Variants in GPHN observed in about 807,000 individuals in gnomAD.
The protein encoded by GPHN is gephyrin.
GPHN carries 17 observed loss-of-function variants against 95.5 expected under a neutral mutation model. The ratio of observed to expected loss-of-function variants is 0.18; its 90% CI spans 0.12 to 0.27. The LOEUF is 0.27. Ranked by LOEUF, GPHN falls within the 10% of genes least tolerant of loss-of-function variation. The pLI, the probability that GPHN is intolerant of heterozygous loss-of-function variation, is 1.00. For synonymous variants in GPHN, 320 were observed against 322.5 expected (o/e 0.99, Z 0.08); for missense variants, 660 against 978.1 (o/e 0.67, Z 4.34).
intron 21 of GPHN, among the ~76,000 whole-genome samples, chr14:67,171,021 A>G (rs997479287): frequency 6.6e-6 from 1 of 151,936 alleles, no homozygotes; most frequent in Non-Finnish European, 1.5e-5. Flanking sequence ...ATACTGTTGG[A>G]CTCTGATGTG....
intron 4 of GPHN, among the ~76,000 whole-genome samples, chr14:66,838,640 A>G (rs1329621621): frequency 2.0e-5 from 3 of 152,164 alleles, no homozygotes; most frequent in Non-Finnish European, 2.9e-5. Flanking sequence ...TTGCAGATAT[A>G]TTAGTAAAAT....
chr14:67,650,676 C>G, the GPHN span: 12 of 1,586,586 alleles, frequency 7.6e-6, no homozygotes, highest in Non-Finnish European at 1.0e-5. Flanking sequence ...AGAGTAGCAG[C>G]AAGGGAACCT....
intron 5 of GPHN, among the ~76,000 whole-genome samples, chr14:66,906,711 T>C (rs939898953): frequency 6.6e-6 from 1 of 152,198 alleles, no homozygotes; most frequent in Admixed American, 6.5e-5. Context: ...CTCTGGTTTC[T>C]TGAGATTTCC....
At chr14:67,308,611 T>A in the GPHN span, among the ~76,000 whole-genome samples, 15 of 149,874 alleles carry the variant, frequency 1.0e-4, no homozygotes, top group Admixed American at 4.7e-4. Flanking sequence ...AATGGTGCCA[T>A]CTTGGCTCAC....
At chr14:67,049,517 CT>C (rs746210824) in intron 10 of GPHN, among the ~76,000 whole-genome samples, 1,427 of 140,092 alleles carry the variant, frequency 0.01, 6 homozygotes, top group Non-Finnish European at 0.014. Context: ...TCTGTGACAA[CT>C]TTTTTTTTTT....
At position 66,523,643 on chromosome 14, in the gene GPHN, C is replaced by A. The variant is rs145690295; in HGVS notation, c.64+15052C>A. On this transcript the variant is annotated intron_variant, in intron 1 of 22. Transcript: ENST00000478722. ...CTAAGCTTTAGTTTTTTTCATCTGTCAAATGGAAAATAATACTAATATGCC... is the reference window on the plus strand; with the variant it reads ...CTAAGCTTTAGTTTTTTTCATCTGTAAAATGGAAAATAATACTAATATGCC... Among the ~76,000 whole-genome samples, 542 of 151,916 alleles carry A rather than the reference C, an allele frequency of 3.6e-3. 9 individuals are homozygous for A. The highest frequency in any genetic ancestry group is 0.012 in the African/African-American group (516 of 41,444).
At position 66,880,018 on chromosome 14, in the gene GPHN, T is replaced by A; in HGVS notation, c.374T>A (p.Leu125Gln). 2 of 1,602,496 alleles carry A rather than the reference T, an allele frequency of 1.2e-6. No individual in the cohort carries two copies. The highest frequency in any genetic ancestry group is 1.7e-6 in the Non-Finnish European group (2 of 1,169,810). ...MLMGSLNVTPLGMLSRPVCGI... is the reference protein window; with the variant it reads ...MLMGSLNVTPQGMLSRPVCGI... ...ATGGGATCACTTAATGTTACACCTC[T>A]GGGCATGCTCTCTAGGTAAGAAAGT... Residue 125 changes from leucine (L) to glutamine (Q), a missense_variant, in exon 5 of 23, where the codon CTG becomes CAG. By Grantham distance (113) the Leu-to-Gln change is moderately radical. Around this residue, in one of 6 missense-constraint regions of GPHN, gnomAD observed 71 missense variants for 130.8 expected, o/e 0.54. Transcript: ENST00000478722.
downstream of GPHN, among the ~76,000 whole-genome samples, chr14:67,184,423 G>A (rs2083358275): frequency 6.6e-6 from 1 of 152,122 alleles, no homozygotes; most frequent in South Asian, 2.1e-4. Flanking sequence ...TTAAGTTATA[G>A]CAATTGTGCA....
At chr14:66,779,011 T>G (rs767965604) in intron 3 of GPHN, among the ~76,000 whole-genome samples, 14 of 152,054 alleles carry the variant, frequency 9.2e-5, no homozygotes, top group Non-Finnish European at 1.6e-4. Flanking sequence ...CCCAAAGTGC[T>G]GGGATTAAGG....
the GPHN span, among the ~76,000 whole-genome samples, chr14:67,599,650 G>A: frequency 6.6e-6 from 1 of 152,274 alleles, no homozygotes; most frequent in South Asian, 2.1e-4. Context: ...AGAAGGGATG[G>A]ACGAGGAAGA....
intron 4 of GPHN, among the ~76,000 whole-genome samples, chr14:66,859,138 A>T (rs900288407): frequency 6.6e-6 from 1 of 152,156 alleles, no homozygotes; most frequent in Non-Finnish European, 1.5e-5. Context: ...TTAATCGTAC[A>T]GCCTTAGTGC....
chr14:67,587,232 G>A, the GPHN span: 1 of 1,613,650 alleles, frequency 6.2e-7, no homozygotes, highest in Non-Finnish European at 8.5e-7. Flanking sequence ...CAACGTTGCT[G>A]TGAATATTTC....
intron 1 of GPHN, among the ~76,000 whole-genome samples, chr14:66,577,591 A>C (rs1421386959): frequency 1.3e-5 from 2 of 152,156 alleles, no homozygotes; most frequent in Admixed American, 6.5e-5. Flanking sequence ...ATATCTGTAC[A>C]CCTACATTAA....
chr14:66,525,482 T>A (rs1278196215), intron 1 of GPHN, among the ~76,000 whole-genome samples: 13 of 152,258 alleles, frequency 8.5e-5, no homozygotes, highest in East Asian at 5.8e-4. Flanking sequence ...GCTGTGCAGA[T>A]GCTCTTTAGT....
intron 9 of GPHN, among the ~76,000 whole-genome samples, chr14:67,022,558 TTTTTTTTTTG>T (rs1013945428): frequency 8.3e-6 from 1 of 120,918 alleles, no homozygotes; most frequent in Non-Finnish European, 1.7e-5. Context: ...TTTTTTTTTT[TTTTTTTTTTG>T]GTGTGTGTGT....
intron 8 of GPHN, among the ~76,000 whole-genome samples, chr14:66,934,651 A>G (rs1156467762): frequency 6.6e-6 from 1 of 152,208 alleles, no homozygotes; most frequent in Non-Finnish European, 1.5e-5. Context: ...GAAATATACA[A>G]CCCCAAGAAT....
chr14:66,921,445 T>G (rs2066211197), intron 6 of GPHN, among the ~76,000 whole-genome samples: 1 of 129,756 alleles, frequency 7.7e-6, no homozygotes, highest in Admixed American at 7.4e-5. Flanking sequence ...GATGGGATTG[T>G]TTTTTTTTTT....
the GPHN span, chr14:67,562,340 G>A: frequency 6.2e-7 from 1 of 1,613,980 alleles, no homozygotes; most frequent in African/African-American, 1.3e-5. Flanking sequence ...AAGCCCCTTG[G>A]AGGATTCTAG....
At chr14:66,529,800 G>T (rs1051505193) in intron 1 of GPHN, among the ~76,000 whole-genome samples, 3 of 152,162 alleles carry the variant, frequency 2.0e-5, no homozygotes, top group African/African-American at 7.2e-5. Context: ...AGTGGAGGCT[G>T]CAGAATGGTA....
Sources: allele counts gnomAD v4.1 joint callset (sites outside exome capture counted in the v4.1 genomes callset), GRCh38; gene constraint gnomAD v4.1.1; regional missense constraint gnomAD v4.1.1; transcripts MANE v1.5; gene names NCBI Gene and HGNC (gene_info 2026-07-23, HGNC 2026-07-21).